Variants in NETO1 observed in about 807,000 individuals in gnomAD.
NETO1 encodes the protein neuropilin and tolloid-like protein 1.
In NETO1, 26 loss-of-function variants were observed where a neutral mutation model predicts 61.3. The ratio of observed to expected loss-of-function variants is 0.42; its 90% confidence interval spans 0.31 to 0.59. The LOEUF is 0.59. NETO1 is among the 20% of genes least tolerant of loss of function. NETO1 has a pLI of 0.12. For synonymous variants in NETO1, 225 were observed against 225.8 expected (o/e 1.00, Z 0.03); for missense variants, 531 against 662.8 (o/e 0.80, Z 2.18).
intron 7 of NETO1, among the ~76,000 whole-genome samples, chr18:72,757,279 A>C (rs570734081): frequency 6.6e-6 from 1 of 152,276 alleles, no homozygotes; most frequent in South Asian, 2.1e-4. Flanking sequence ...ATATTACATA[A>C]GTTTTAGAGT....
At chr18:72,850,978 C>T (rs2074230178) in intron 4 of NETO1, among the ~76,000 whole-genome samples, 1 of 152,190 alleles carries the variant, frequency 6.6e-6, no homozygotes, top group Non-Finnish European at 1.5e-5. Flanking sequence ...GAGCTCATTT[C>T]TGTGCTGCAA....
intron 4 of NETO1, among the ~76,000 whole-genome samples, chr18:72,837,339 T>C (rs1331756093): frequency 7.9e-5 from 12 of 152,160 alleles, no homozygotes; most frequent in Admixed American, 7.9e-4. Flanking sequence ...GTAAGATAAA[T>C]AAGCGAATGC....
chr18:72,823,848 A>G (rs2073289389), intron 4 of NETO1, among the ~76,000 whole-genome samples: 1 of 152,160 alleles, frequency 6.6e-6, no homozygotes. Flanking sequence ...AGTAGCTGCC[A>G]CAGAGACATG....
At chr18:72,855,517 A>G (rs2074387359) in intron 4 of NETO1, among the ~76,000 whole-genome samples, 1 of 152,202 alleles carries the variant, frequency 6.6e-6, no homozygotes. Context: ...CTTTAAGCCC[A>G]TTTCTATTCT....
chr18:72,814,441 T>C (rs567288455), intron 4 of NETO1, among the ~76,000 whole-genome samples: 248 of 144,464 alleles, frequency 1.7e-3, no homozygotes, highest in African/African-American at 6.8e-3. Flanking sequence ...GAGGAAATTA[T>C]AGTAAGAAGA....
At chr18:72,761,504 A>C (rs1247869353) in intron 7 of NETO1, among the ~76,000 whole-genome samples, 1 of 152,220 alleles carries the variant, frequency 6.6e-6, no homozygotes, top group African/African-American at 2.4e-5. Flanking sequence ...CATCAAGATA[A>C]CAGGTATTTT....
At chr18:72,847,023 AT>A (rs1267152983) in intron 4 of NETO1, among the ~76,000 whole-genome samples, 1 of 152,264 alleles carries the variant, frequency 6.6e-6, no homozygotes, top group African/African-American at 2.4e-5. Flanking sequence ...GGTTTTTGTT[AT>A]CACACCTGTA....
In NETO1 at chr18:72,799,375, G is replaced by C. The variant is rs1254119486; in HGVS notation, c.470-4971C>G. Among the ~76,000 whole-genome samples, 4 of 152,168 alleles carry C rather than the reference G, an allele frequency of 2.6e-5. No homozygotes were observed. The East Asian group carries it at 5.8e-4, about 22-fold the overall frequency. ...GTATTTTTCAAGATGATGTGCATGA[G>C]GATACGTTATGTGCACTTTTATTGC... On this transcript the variant is annotated intron_variant, in intron 4 of 10. Coordinates refer to ENST00000327305, the MANE Select transcript of NETO1 (RefSeq NM_138966.5).
chr18:72,815,206 A>C (rs1288077560), intron 4 of NETO1, among the ~76,000 whole-genome samples: 1 of 152,200 alleles, frequency 6.6e-6, no homozygotes, highest in Non-Finnish European at 1.5e-5. Flanking sequence ...AAAATCTGAA[A>C]AGTAAGCAAA....
chr18:72,772,530 G>A (rs185337288), intron 7 of NETO1, among the ~76,000 whole-genome samples: 173 of 151,946 alleles, frequency 1.1e-3, no homozygotes, highest in African/African-American at 3.9e-3. Flanking sequence ...ACACAGTGGT[G>A]GGAGAGGCAT....
intron 4 of NETO1, among the ~76,000 whole-genome samples, chr18:72,851,414 C>CAAAAAAAAAAAAAAAAA (rs570774226): frequency 1.3e-5 from 2 of 149,058 alleles, no homozygotes; most frequent in Admixed American, 6.7e-5. Context: ...TCCCTCAAAA[C>CAAAAAAAAAAAAAAAAA]AAAAAAAGAA....
chr18:72,760,502 A>AT, intron 7 of NETO1, among the ~76,000 whole-genome samples: 1 of 152,284 alleles, frequency 6.6e-6, no homozygotes, highest in East Asian at 1.9e-4. Context: ...TTAAGGACAG[A>AT]TTGCTTCCTC....
At chr18:72,772,718 G>A (rs1034485377) in intron 7 of NETO1, among the ~76,000 whole-genome samples, 8 of 146,544 alleles carry the variant, frequency 5.5e-5, no homozygotes, top group South Asian at 2.2e-4. Context: ...TGATATACAC[G>A]TGTGTGTATC....
chr18:72,813,706 C>T (rs1205254250), intron 4 of NETO1, among the ~76,000 whole-genome samples: 3 of 151,978 alleles, frequency 2.0e-5, no homozygotes, highest in Non-Finnish European at 2.9e-5. Context: ...AAAGGATGCA[C>T]TCAAAGATAC....
intron 7 of NETO1, among the ~76,000 whole-genome samples, chr18:72,758,292 A>G (rs2070851018): frequency 6.6e-6 from 1 of 151,998 alleles, no homozygotes; most frequent in Admixed American, 6.6e-5. Context: ...AATAAATCAC[A>G]TTTTAACATG....
chr18:72,778,825 C>T (rs2071643926), intron 7 of NETO1, among the ~76,000 whole-genome samples: 2 of 152,134 alleles, frequency 1.3e-5, no homozygotes, highest in South Asian at 4.1e-4. Context: ...CCTCAGAACT[C>T]CTCCAGCCTC....
chr18:72,867,118 A>G (rs2074762367), intron 1 of NETO1, 146 bp downstream of exon 1: 1 of 582,850 alleles, frequency 1.7e-6, no homozygotes, highest in South Asian at 3.3e-5. Flanking sequence ...GCTGCAATAC[A>G]GAAAGTTTAC....
In NETO1 at chr18:72,750,204, T is replaced by A; in HGVS notation, c.1399A>T (p.Ile467Phe). ...ATATTTCTTCTGTTCATGGGTGGGATGAGGGGTTTTCCTGGCTGTGTGGGC... is the reference window on the plus strand; with the variant it reads ...ATATTTCTTCTGTTCATGGGTGGGAAGAGGGGTTTTCCTGGCTGTGTGGGC... ...EMPTQPGKPL[I>F]PPMNRRNILV... Residue 467 changes from isoleucine to phenylalanine, a missense_variant, in exon 9 of 11, where the codon ATC becomes TTC. Physicochemically the swap from Ile to Phe is conservative, Grantham distance 21. Coordinates refer to ENST00000327305, the MANE Select transcript of NETO1 (RefSeq NM_138966.5). The A allele has an allele frequency of 6.2e-7, 1 of 1,614,098 alleles. No homozygotes were observed. The highest frequency in any genetic ancestry group is 8.5e-7 in the Non-Finnish European group (1 of 1,179,988).
chr18:72,836,065 TA>T (rs1204059689), intron 4 of NETO1, among the ~76,000 whole-genome samples: 1 of 152,198 alleles, frequency 6.6e-6, no homozygotes, highest in Non-Finnish European at 1.5e-5. Context: ...GGAAAATTCA[TA>T]AAAGACAGAA....
Sources: gnomAD v4.1 joint callset for allele counts (sites outside exome capture counted in the v4.1 genomes callset) on GRCh38, gnomAD v4.1.1 for gene constraint, MANE v1.5 for transcripts, NCBI Gene and HGNC (gene_info 2026-07-23, HGNC 2026-07-21) for gene names.